NPRL2: variants seen among roughly 807,000 people sequenced by gnomAD.
NPRL2 encodes NPR2 like, GATOR1 complex subunit, also known as GATOR1 complex protein NPRL2.
In NPRL2, 21 loss-of-function variants were observed where a neutral mutation model predicts 51.1. That is an observed-to-expected ratio of 0.41 (90% confidence interval 0.29 to 0.59). The LOEUF is 0.59. Among genes scored for constraint, NPRL2 ranks in the 20% least tolerant of loss-of-function variants. The pLI is 0.29. For synonymous variants in NPRL2, 175 were observed against 187.8 expected (o/e 0.93, Z 0.56); for missense variants, 376 against 483.4 (o/e 0.78, Z 2.08).
Position 50,350,637 on chromosome 3 carries a change from G to C in NPRL2, c.16C>G (p.Arg6Gly). Residue 6 changes from arginine (R) to glycine (G), a missense_variant, in exon 1 of 11, where the codon CGC becomes GGC. By Grantham distance (125) the Arg-to-Gly change is moderately radical (BLOSUM62 -2). Coordinates refer to ENST00000232501, the MANE Select transcript of NPRL2 (RefSeq NM_006545.5). This position sits in a 1 kb window ranked among gnomAD's most constrained non-coding sequence, Gnocchi z 5.7. The part of the protein sequence containing the change: MGSGC[R>G]IECIFFSEFH... Reference sequence around the variant, plus strand: ...TCGCTGAAGAATATGCATTCGATGCGGCAGCCGCTGCCCATGGCAATAACC... The same window carrying C: ...TCGCTGAAGAATATGCATTCGATGCCGCAGCCGCTGCCCATGGCAATAACC... 6.2e-7 allele frequency: 1 copy of C among 1,606,362 alleles called. No individual in the cohort carries two copies. Among genetic ancestry groups the C allele is most frequent in the South Asian group, 1.1e-5 (1 of 89,850 alleles).
Position 50,349,307 on chromosome 3 carries a change from G to T in NPRL2, c.448+79C>A. On this transcript the variant is annotated intron_variant, in intron 4 of 10. Coordinates refer to ENST00000232501, the MANE Select transcript of NPRL2 (RefSeq NM_006545.5). This position sits in a 1 kb window ranked among gnomAD's most constrained non-coding sequence, Gnocchi z 4.6. Reference sequence around the variant, plus strand: ...GCCCACCAATGTGTTCATGAGTCTTGCCCTTCTCCCTGACTAGCTGGGTTC... The same window carrying T: ...GCCCACCAATGTGTTCATGAGTCTTTCCCTTCTCCCTGACTAGCTGGGTTC... The T allele has an allele frequency of 1.6e-6, 2 of 1,270,626 alleles. No individual in the cohort carries two copies. The highest frequency in any genetic ancestry group is 2.4e-5 in the South Asian group (2 of 82,096). The allele number at this position is 1,270,626 out of a possible 1,614,324, so 78.7% of individuals were successfully genotyped here. A position where few individuals can be genotyped will look rare whatever the true frequency, so the allele number is the denominator to read the frequency against.
rs1255338206 is a variant in NPRL2 at position 50,348,795 on chromosome 3, G to T, written c.586-13C>A. 1 of 1,614,020 alleles carries T rather than the reference G, an allele frequency of 6.2e-7. No individual in the cohort carries two copies. The highest frequency in any genetic ancestry group is 8.5e-7 in the Non-Finnish European group (1 of 1,180,018). The stretch of plus-strand genomic sequence containing the variant: ...TGTAGGGCAGGATCTGGGCAGAGTG[G>T]GACAAGGTCAGAAGAAACAGGATGA... On this transcript the variant is annotated splice_polypyrimidine_tract_variant and intron_variant, in intron 5 of 10. Transcript: ENST00000232501. This position sits in a 1 kb window ranked among gnomAD's most constrained non-coding sequence, Gnocchi z 5.8.
At chr3:50,347,724 C>T (rs746783715) in intron 10 of NPRL2, 35 bp downstream of exon 10, 20 of 1,613,854 alleles carry the variant, frequency 1.2e-5, no homozygotes, top group African/African-American at 4.0e-5. Context: ...GGCCACCCTG[C>T]CCTGAACCCA....
rs1321964362 is a variant in NPRL2 at position 50,350,663 on chromosome 3, G to A, written c.-11C>T. ...GCAGCCGCTGCCCATGGCAATAACC[G>A]GGCCCAGGCCCGTAGCTCCTCGTTC... is the stretch of plus-strand genomic sequence containing the variant. On this transcript the variant is annotated 5_prime_UTR_variant, in exon 1 of 11. Coordinates refer to ENST00000232501, the MANE Select transcript of NPRL2 (RefSeq NM_006545.5). The surrounding 1 kb of genome is among the most constrained non-coding windows in gnomAD (Gnocchi z 5.7). 4 of 1,599,538 alleles carry A rather than the reference G, an allele frequency of 2.5e-6. No homozygotes were observed. Among genetic ancestry groups the A allele is most frequent in the Non-Finnish European group, 3.4e-6 (4 of 1,173,358 alleles).
In NPRL2 at chr3:50,350,438, T is replaced by C. The variant is rs1370131814; in HGVS notation, c.78+137A>G. 2.2e-6 allele frequency: 2 copies of C among 917,258 alleles called. No homozygotes were observed. Among genetic ancestry groups the C allele is most frequent in the Non-Finnish European group, 3.3e-6 (2 of 613,014 alleles). 56.8% of individuals were successfully genotyped at this position (917,258 alleles called of 1,614,324 possible). A position where few individuals can be genotyped will look rare whatever the true frequency, so the allele number is the denominator to read the frequency against. On this transcript the variant is annotated intron_variant, in intron 1 of 10. Coordinates refer to ENST00000232501, the MANE Select transcript of NPRL2 (RefSeq NM_006545.5). This position sits in a 1 kb window ranked among gnomAD's most constrained non-coding sequence, Gnocchi z 5.7. ...TGGGAGCCGGGGGCCTGGGTCTGACTATCCTCTAGCCTCACAGTTGTCTGC... is the reference window on the plus strand; with the variant it reads ...TGGGAGCCGGGGGCCTGGGTCTGACCATCCTCTAGCCTCACAGTTGTCTGC...
rs758947961 is a variant in NPRL2 at position 50,348,550 on chromosome 3, C to T, written c.697G>A (p.Val233Met). Residue 233 changes from valine (V) to methionine (M), a missense_variant, in exon 7 of 11, where the codon GTG (valine) becomes ATG (methionine). Transcript: ENST00000232501. The surrounding 1 kb of genome is among the most constrained non-coding windows in gnomAD (Gnocchi z 5.8). The part of the protein sequence containing the change: ...AIQNLLYYGV[V>M]TLVSILQYSN... Reference sequence around the variant, plus strand: ...ACCTGGAGGATGGACACCAGTGTCACAACGCCGTAGTACCTGAGAGAGAGA... The same window carrying T: ...ACCTGGAGGATGGACACCAGTGTCATAACGCCGTAGTACCTGAGAGAGAGA... The T allele has an allele frequency of 1.9e-6, 3 of 1,614,138 alleles. No homozygotes were observed. Among genetic ancestry groups the T allele is most frequent in the Non-Finnish European group, 2.5e-6 (3 of 1,180,044 alleles).
rs587607233 is a variant in NPRL2 at position 50,350,420 on chromosome 3, C to G, written c.78+155G>C. On this transcript the variant is annotated intron_variant, in intron 1 of 10. Transcript: ENST00000232501. This position sits in a 1 kb window ranked among gnomAD's most constrained non-coding sequence, Gnocchi z 5.7. Reference sequence around the variant, plus strand: ...ATGTCTTCCCTGCCACATTGGGAGCCGGGGGCCTGGGTCTGACTATCCTCT... The same window carrying G: ...ATGTCTTCCCTGCCACATTGGGAGCGGGGGGCCTGGGTCTGACTATCCTCT... 12 of 753,994 alleles carry G rather than the reference C, an allele frequency of 1.6e-5. No homozygotes were observed. The East Asian group carries it at 3.2e-4, about 20-fold the overall frequency. 46.7% of individuals were successfully genotyped at this position (753,994 alleles called of 1,614,324 possible).
Position 50,347,568 on chromosome 3 carries a change from C to T in NPRL2, c.*38G>A. 6.2e-7 allele frequency: 1 copy of T among 1,612,658 alleles called. No homozygotes were observed. Among genetic ancestry groups the T allele is most frequent in the Non-Finnish European group, 8.5e-7 (1 of 1,178,840 alleles). ...ATGACAAGCCTCCTAGTAGGAGGGA[C>T]TACCCACAGCAATGTGTCCATCCAG... On this transcript the variant is annotated 3_prime_UTR_variant, in exon 11 of 11. Transcript: ENST00000232501.
rs587649663 is a variant in NPRL2, at chr3:50,348,102, C to T, written c.932+22G>A. ...GCTTCCCTCAGGTAACTCCCAAATG[C>T]CCCAGCAAATTCTCCTCTGACCGTT... On this transcript the variant is annotated intron_variant, in intron 9 of 10. Coordinates refer to ENST00000232501, the MANE Select transcript of NPRL2 (RefSeq NM_006545.5). This position sits in a 1 kb window ranked among gnomAD's most constrained non-coding sequence, Gnocchi z 5.8. 1 of 1,612,560 alleles carries T rather than the reference C, an allele frequency of 6.2e-7. No individual in the cohort carries two copies. The highest frequency in any genetic ancestry group is 2.2e-5 in the East Asian group (1 of 44,864).
chr3:50,348,355 G>A lies in NPRL2; in HGVS notation c.776C>T (p.Ser259Phe), dbSNP rs753256395. ...PKVQDLVDDK[S>F]LQEACLSYVT... ...GTAGGATAGACATGCCTCTTGCAGG[G>A]ACTTGTCATCTACCAGGTCCTGGAC... The change falls in exon 8 of 11, where the codon TCC (serine) becomes TTC (phenylalanine). Residue 259 changes from serine (S) to phenylalanine (F), a missense_variant. Ser to Phe is a radical substitution (Grantham distance 155, BLOSUM62 -2). Coordinates refer to ENST00000232501, the MANE Select transcript of NPRL2 (RefSeq NM_006545.5). This position sits in a 1 kb window ranked among gnomAD's most constrained non-coding sequence, Gnocchi z 5.8. 4.3e-6 allele frequency: 7 copies of A among 1,613,830 alleles called. No homozygotes were observed. The Admixed American group carries it at 1.2e-4, about 27-fold the overall frequency.
In NPRL2 at chr3:50,349,548, G is replaced by C; in HGVS notation, c.340-54C>G. ...CACATCCCAGGACCCCTGGCTGGTT[G>C]GCTGCCCTGAGTCCTGAGCTGGTTT... On this transcript the variant is annotated intron_variant, in intron 3 of 10. Coordinates refer to ENST00000232501, the MANE Select transcript of NPRL2 (RefSeq NM_006545.5). The surrounding 1 kb of genome is among the most constrained non-coding windows in gnomAD (Gnocchi z 4.6). 6.2e-7 allele frequency: 1 copy of C among 1,611,584 alleles called. No individual in the cohort carries two copies. Among genetic ancestry groups the C allele is most frequent in the Non-Finnish European group, 8.5e-7 (1 of 1,177,968 alleles).
Position 50,349,217 on chromosome 3 carries a change from C to T in NPRL2, c.448+169G>A. The T allele has an allele frequency of 2.4e-6, 2 of 834,794 alleles. No individual in the cohort carries two copies. Among genetic ancestry groups the T allele is most frequent in the Non-Finnish European group, 3.7e-6 (2 of 533,714 alleles). 51.7% of individuals were successfully genotyped at this position (834,794 alleles called of 1,614,324 possible). Reference sequence around the variant, plus strand: ...TGGAGAGCTCTGCTTTCCCCCTACCCCCAGTCCCAGCTCCATCATGCATTG... The same window carrying T: ...TGGAGAGCTCTGCTTTCCCCCTACCTCCAGTCCCAGCTCCATCATGCATTG... On this transcript the variant is annotated intron_variant, in intron 4 of 10. Coordinates refer to ENST00000232501, the MANE Select transcript of NPRL2 (RefSeq NM_006545.5). This position sits in a 1 kb window ranked among gnomAD's most constrained non-coding sequence, Gnocchi z 4.6.
chr3:50,350,042 TG>T lies in NPRL2; in HGVS notation c.79-21del. ...AGGGACCTGGGGAGGGGAGTGGCAA[TG>T]GGCCCCTCAGTGGACATCTGTACTG... On this transcript the variant is annotated intron_variant, in intron 1 of 10. Transcript: ENST00000232501. The surrounding 1 kb of genome is among the most constrained non-coding windows in gnomAD (Gnocchi z 5.7). The T allele has an allele frequency of 6.3e-7, 1 of 1,599,728 alleles. No individual in the cohort carries two copies. The highest frequency in any genetic ancestry group is 8.6e-7 in the Non-Finnish European group (1 of 1,168,014).
chr3:50,350,206 G>T lies in NPRL2; in HGVS notation c.79-184C>A. On this transcript the variant is annotated intron_variant, in intron 1 of 10. Transcript: ENST00000232501. This position sits in a 1 kb window ranked among gnomAD's most constrained non-coding sequence, Gnocchi z 5.7. ...ACGCTATGATCTCACCTCCTTCCTG[G>T]CTTCTGCATATGCTGTTCCCTCTAC... 1.6e-6 allele frequency: 1 copy of T among 608,190 alleles called. No homozygotes were observed. The highest frequency in any genetic ancestry group is 2.9e-6 in the Non-Finnish European group (1 of 343,646). 37.7% of individuals were successfully genotyped at this position (608,190 alleles called of 1,614,324 possible). A position where few individuals can be genotyped will look rare whatever the true frequency, so the allele number is the denominator to read the frequency against.
At position 50,350,335 on chromosome 3, in the gene NPRL2, T is replaced by G. The variant is rs1703714309; in HGVS notation, c.78+240A>C. ...CACCCAACTCACCTTCTGTGGGACC[T>G]GGAACCCCCCAACCGGATCCCTACA... On this transcript the variant is annotated intron_variant, in intron 1 of 10. Coordinates refer to ENST00000232501, the MANE Select transcript of NPRL2 (RefSeq NM_006545.5). The surrounding 1 kb of genome is among the most constrained non-coding windows in gnomAD (Gnocchi z 5.7). 1.6e-6 allele frequency: 1 copy of G among 606,448 alleles called. No individual in the cohort carries two copies. The highest frequency in any genetic ancestry group is 2.9e-6 in the Non-Finnish European group (1 of 344,216). The allele number at this position is 606,448 out of a possible 1,614,324, so 37.6% of individuals were successfully genotyped here. A position where few individuals can be genotyped will look rare whatever the true frequency, so the allele number is the denominator to read the frequency against.
rs372169666 is a variant in NPRL2, at chr3:50,349,906, C to T, written c.170+25G>A. On this transcript the variant is annotated intron_variant, in intron 2 of 10. Transcript: ENST00000232501. The surrounding 1 kb of genome is among the most constrained non-coding windows in gnomAD (Gnocchi z 4.6). ...TCCTGGGACAACCCCTGCCACCCAC[C>T]GCTCACCCCGAGCTAGGGTCTCACA... 25 of 1,613,662 alleles carry T rather than the reference C, an allele frequency of 1.5e-5. No homozygotes were observed. Among genetic ancestry groups the T allele is most frequent in the African/African-American group, 4.0e-5 (3 of 74,912 alleles).
Position 50,348,315 on chromosome 3 carries a change from A to AC in NPRL2, c.814+1dup. 6.2e-7 allele frequency: 1 copy of AC among 1,613,722 alleles called. No individual in the cohort carries two copies. Among genetic ancestry groups the AC allele is most frequent in the Non-Finnish European group, 8.5e-7 (1 of 1,179,952 alleles). On this transcript the variant is annotated splice_donor_variant, in intron 8 of 10. Transcript: ENST00000232501. LOFTEE classifies it high-confidence loss of function. The surrounding 1 kb of genome is among the most constrained non-coding windows in gnomAD (Gnocchi z 5.8). The stretch of plus-strand genomic sequence containing the variant: ...ATGGCTTCCCCCAGAACCCACCACT[A>AC]CCTTGCTTGGTCACGTAGGATAGAC...
In NPRL2 at chr3:50,348,574, G is replaced by A. The variant is rs1347518389; in HGVS notation, c.684-11C>T. The A allele has an allele frequency of 1.9e-6, 3 of 1,614,124 alleles. No homozygotes were observed. The highest frequency in any genetic ancestry group is 2.5e-6 in the Non-Finnish European group (3 of 1,180,030). Reference sequence around the variant, plus strand: ...ACAACGCCGTAGTACCTGAGAGAGAGAGCTGTGCTCAGCTTCTGAGGACCA... The same window carrying A: ...ACAACGCCGTAGTACCTGAGAGAGAAAGCTGTGCTCAGCTTCTGAGGACCA... On this transcript the variant is annotated splice_polypyrimidine_tract_variant and intron_variant, in intron 6 of 10. Coordinates refer to ENST00000232501, the MANE Select transcript of NPRL2 (RefSeq NM_006545.5). The surrounding 1 kb of genome is among the most constrained non-coding windows in gnomAD (Gnocchi z 5.8).
Position 50,348,333 on chromosome 3 carries a change from G to T in NPRL2, c.798C>A (p.Ser266=), listed in dbSNP as rs373635579. 1 of 1,613,794 alleles carries T rather than the reference G, an allele frequency of 6.2e-7. No individual in the cohort carries two copies. Among genetic ancestry groups the T allele is most frequent in the African/African-American group, 1.3e-5 (1 of 74,914 alleles). ...CACCACTACCTTGCTTGGTCACGTA[G>T]GATAGACATGCCTCTTGCAGGGACT... The part of the protein sequence containing the change: ...DDKSLQEACL[S]YVTKQGHKRA... Residue 266 remains serine, a synonymous_variant, in exon 8 of 11, where the codon TCC becomes TCA. Coordinates refer to ENST00000232501, the MANE Select transcript of NPRL2 (RefSeq NM_006545.5). The surrounding 1 kb of genome is among the most constrained non-coding windows in gnomAD (Gnocchi z 5.8).
Sources: allele counts gnomAD v4.1 joint callset, GRCh38; gene constraint gnomAD v4.1.1; non-coding constraint Gnocchi (gnomAD v3.1); transcripts MANE v1.5; gene names NCBI Gene and HGNC (gene_info 2026-07-23, HGNC 2026-07-21).